The following NTRK3 variants were observed in gnomAD, a reference collection of about 807,000 sequenced individuals.
NTRK3 encodes NT-3 growth factor receptor.
Under a neutral mutation model 91.7 loss-of-function variants are expected in NTRK3, and 24 were observed. The ratio of observed to expected loss-of-function variants is 0.26; its 90% CI spans 0.19 to 0.37. The LOEUF is 0.37. Among genes scored for constraint, NTRK3 ranks in the 10% least tolerant of loss-of-function variants. NTRK3 has a pLI of 1.00. For missense variants in NTRK3, 880 were observed against 1,068.9 expected, an observed-to-expected ratio of 0.82 and a Z score of 2.46; for synonymous variants, 483 against 404.0, an observed-to-expected ratio of 1.20 and a Z score of -2.34.
chr15:88,097,762 T>C (rs2049772648), intron 13 of NTRK3, among the ~76,000 whole-genome samples: 1 of 152,224 alleles, frequency 6.6e-6, no homozygotes. Flanking sequence ...CTATTTATGA[T>C]ATACTATGTG....
intron 6 of NTRK3, among the ~76,000 whole-genome samples, chr15:88,138,465 C>A (rs1447806110): frequency 6.6e-6 from 1 of 152,108 alleles, no homozygotes; most frequent in Non-Finnish European, 1.5e-5. Context: ...TTCTTAAAAC[C>A]CTCCAATGGC....
At chr15:88,032,864 C>A (rs536939921) in exon 14 of NTRK3, 2 of 1,613,710 alleles carry the variant, frequency 1.2e-6, no homozygotes. Flanking sequence ...TACACGTGTC[C>A]GGCTTGTGGC....
rs1003377221 is a variant in NTRK3 at position 87,870,643 on chromosome 15, CGTAA to C, written c.*6288_*6291del. On this transcript the variant is annotated 3_prime_UTR_variant, in exon 19 of 19. Coordinates refer to ENST00000394480, the Ensembl canonical transcript of NTRK3. ...AGAATAAAAGACTGTCAGAGTACAC[CGTAA>C]GTATTTGAGCTCTCAATCTACCTTT... is the stretch of plus-strand genomic sequence containing the variant. 21 of 214,072 alleles carry C rather than the reference CGTAA, an allele frequency of 9.8e-5. No individual in the cohort carries two copies. In the Admixed American group the frequency reaches 1.1e-3, roughly 11 times the overall value. 13.3% of individuals were successfully genotyped at this position (214,072 alleles called of 1,614,324 possible).
chr15:88,030,221 T>G (rs937012827), intron 14 of NTRK3, among the ~76,000 whole-genome samples: 22 of 152,326 alleles, frequency 1.4e-4, no homozygotes, highest in Middle Eastern at 3.4e-3. Context: ...AACCTTTTCT[T>G]GTTTACACTG....
chr15:88,092,056 A>G (rs922104278), intron 13 of NTRK3, among the ~76,000 whole-genome samples: 5 of 152,224 alleles, frequency 3.3e-5, no homozygotes, highest in African/African-American at 1.2e-4. Context: ...AATGAGAACC[A>G]TGGCTCTGAA....
At chr15:87,926,767 G>C (rs2068345977) in intron 17 of NTRK3, 1 of 152,148 alleles carries the variant, frequency 6.6e-6, no homozygotes, top group African/African-American at 2.4e-5. Context: ...GCACATTCTG[G>C]TCAGACATAG....
intron 6 of NTRK3, among the ~76,000 whole-genome samples, chr15:88,142,623 C>T (rs957714868): frequency 6.6e-6 from 1 of 152,188 alleles, no homozygotes; most frequent in African/African-American, 2.4e-5. Flanking sequence ...CTGCTGTCAC[C>T]CAGAAAAGGA....
chr15:88,153,991 A>T (rs913960494), intron 5 of NTRK3, among the ~76,000 whole-genome samples: 25 of 150,782 alleles, frequency 1.7e-4, no homozygotes, highest in African/African-American at 5.6e-4. Flanking sequence ...CCATACCAGG[A>T]TTCTTTTGAT....
intron 12 of NTRK3, 104 bp downstream of exon 12, chr15:88,127,057 TC>T (rs1384590598): frequency 9.8e-7 from 1 of 1,016,260 alleles, no homozygotes; most frequent in Non-Finnish European, 1.5e-6. Flanking sequence ...CTTTTTTTTT[TC>T]AAAGTTTCAA....
chr15:88,101,236 C>T (rs1162965531), intron 13 of NTRK3, among the ~76,000 whole-genome samples: 2 of 152,202 alleles, frequency 1.3e-5, no homozygotes, highest in East Asian at 3.8e-4. Flanking sequence ...CAAAAGAAGA[C>T]ATTTATGCAA....
chr15:88,063,609 C>T (rs1347902387), intron 13 of NTRK3, among the ~76,000 whole-genome samples: 2 of 152,206 alleles, frequency 1.3e-5, no homozygotes, highest in African/African-American at 4.8e-5. Flanking sequence ...ACTGAGCTAT[C>T]CTGGGACAGT....
At chr15:88,147,810 C>T (rs191883136) in intron 5 of NTRK3, among the ~76,000 whole-genome samples, 1 of 152,260 alleles carries the variant, frequency 6.6e-6, no homozygotes, top group Non-Finnish European at 1.5e-5. Flanking sequence ...GGTCAAAAAA[C>T]TCTGCAGGTC....
intron 17 of NTRK3, among the ~76,000 whole-genome samples, chr15:87,901,346 G>A (rs1350162639): frequency 1.3e-5 from 2 of 152,204 alleles, no homozygotes; most frequent in African/African-American, 4.8e-5. Flanking sequence ...AATATAGAAG[G>A]GGAATTTGAG....
chr15:87,970,864 T>C (rs1242280045), intron 14 of NTRK3, among the ~76,000 whole-genome samples: 1 of 152,188 alleles, frequency 6.6e-6, no homozygotes, highest in Non-Finnish European at 1.5e-5. Flanking sequence ...GAGAACCATA[T>C]TGCAGGCCCT....
chr15:87,956,819 G>A (rs915518778), intron 14 of NTRK3, among the ~76,000 whole-genome samples: 10 of 152,160 alleles, frequency 6.6e-5, no homozygotes, highest in Non-Finnish European at 1.3e-4. Context: ...TGATCCACCC[G>A]CCTCAGCCTC....
intron 3 of NTRK3, among the ~76,000 whole-genome samples, chr15:88,225,857 C>A (rs1414929298): frequency 6.6e-6 from 1 of 152,178 alleles, no homozygotes; most frequent in African/African-American, 2.4e-5. Context: ...GCACAGATCC[C>A]TTCCTGGGGG....
chr15:87,944,151 C>T (rs2070183314), intron 14 of NTRK3, among the ~76,000 whole-genome samples: 1 of 152,150 alleles, frequency 6.6e-6, no homozygotes, highest in Admixed American at 6.5e-5. Flanking sequence ...TTTTATTCGA[C>T]CATAAATTCT....
intron 17 of NTRK3, among the ~76,000 whole-genome samples, chr15:87,890,574 CACACA>C (rs2065806208): frequency 3.2e-5 from 1 of 30,942 alleles, no homozygotes. Context: ...GTTCTTTACA[CACACA>C]CACACACACA....
chr15:88,009,082 G>A (rs1380180592), intron 14 of NTRK3, among the ~76,000 whole-genome samples: 1 of 152,164 alleles, frequency 6.6e-6, no homozygotes, highest in Admixed American at 6.5e-5. Context: ...GAAGAGACTT[G>A]TCATTGTCTG....
Sources: allele counts gnomAD v4.1 joint callset (sites outside exome capture counted in the v4.1 genomes callset), GRCh38; gene constraint gnomAD v4.1.1; transcripts MANE v1.5; gene names NCBI Gene and HGNC (gene_info 2026-07-23, HGNC 2026-07-21).